Variants in DSCAM observed in about 807,000 individuals in gnomAD.
DSCAM encodes the protein DS cell adhesion molecule.
Under a neutral mutation model 217.7 loss-of-function variants are expected in DSCAM, and 47 were observed. That is an observed-to-expected ratio of 0.22 (90% CI 0.17 to 0.28). The LOEUF (loss-of-function observed/expected upper bound fraction) is 0.28, where lower values mean the gene tolerates loss of function less well. DSCAM is among the 10% of genes least tolerant of loss of function. The pLI, the probability that DSCAM is intolerant of heterozygous loss-of-function variation, is 1.00. For missense variants in DSCAM, 2,080 were observed against 2,618.3 expected (o/e 0.79, Z 4.49); for synonymous variants, 1,056 against 1,015.3 (o/e 1.04, Z -0.76).
At chr21:40,120,096 G>A (rs955991418) in intron 20 of DSCAM, among the ~76,000 whole-genome samples, 3 of 152,126 alleles carry the variant, frequency 2.0e-5, no homozygotes, top group African/African-American at 7.2e-5. Flanking sequence ...TTAATTCTAA[G>A]TTATGGGCTA....
At chr21:40,176,479 G>A (rs1243300016) in intron 15 of DSCAM, among the ~76,000 whole-genome samples, 1 of 152,154 alleles carries the variant, frequency 6.6e-6, no homozygotes, top group South Asian at 2.1e-4. Flanking sequence ...GTGCCTTTGG[G>A]TTTACCTGCT....
chr21:40,257,402 T>G (rs1350709616), intron 11 of DSCAM, among the ~76,000 whole-genome samples: 1 of 151,986 alleles, frequency 6.6e-6, no homozygotes, highest in Non-Finnish European at 1.5e-5. Flanking sequence ...TGAATATTTT[T>G]TATTTGAGGA....
intron 3 of DSCAM, among the ~76,000 whole-genome samples, chr21:40,554,507 G>A (rs1055405999): frequency 1.3e-5 from 2 of 151,986 alleles, no homozygotes; most frequent in East Asian, 1.9e-4. Context: ...AGCCAATTTC[G>A]ACAGTCATCT....
intron 3 of DSCAM, among the ~76,000 whole-genome samples, chr21:40,689,242 C>T (rs1338002147): frequency 2.0e-5 from 3 of 152,214 alleles, no homozygotes; most frequent in South Asian, 2.1e-4. Flanking sequence ...TTGTAGAAGA[C>T]AAATACCCAT....
At chr21:40,446,095 C>G (rs1041953906) in intron 3 of DSCAM, among the ~76,000 whole-genome samples, 11 of 152,150 alleles carry the variant, frequency 7.2e-5, no homozygotes, top group African/African-American at 2.4e-4. Context: ...TACGTGGGAA[C>G]TTATTACCTG....
chr21:40,669,134 G>C (rs1228908716), intron 3 of DSCAM, among the ~76,000 whole-genome samples: 1 of 152,140 alleles, frequency 6.6e-6, no homozygotes, highest in Non-Finnish European at 1.5e-5. Flanking sequence ...CCTGAACAGA[G>C]AACAATTCTG....
At chr21:40,202,213 C>A (rs1015608800) in intron 11 of DSCAM, among the ~76,000 whole-genome samples, 1 of 152,196 alleles carries the variant, frequency 6.6e-6, no homozygotes, top group African/African-American at 2.4e-5. Flanking sequence ...CGCCACCCTT[C>A]ACTCTTATAT....
intron 3 of DSCAM, among the ~76,000 whole-genome samples, chr21:40,687,234 CTTCT>C (rs372568616): frequency 5.3e-5 from 8 of 152,270 alleles, no homozygotes; most frequent in South Asian, 2.1e-4. Flanking sequence ...TAAAGAAATG[CTTCT>C]TTAATTCTGC....
chr21:40,522,679 G>A (rs1321422050), intron 3 of DSCAM, among the ~76,000 whole-genome samples: 1 of 152,142 alleles, frequency 6.6e-6, no homozygotes, highest in Non-Finnish European at 1.5e-5. Flanking sequence ...ATCGTCATGA[G>A]CAAAACAAAC....
intron 3 of DSCAM, among the ~76,000 whole-genome samples, chr21:40,470,311 A>G (rs1252931323): frequency 1.3e-5 from 2 of 152,210 alleles, no homozygotes; most frequent in Non-Finnish European, 2.9e-5. Flanking sequence ...AAAGCTATGG[A>G]AACACAATAT....
At chr21:40,398,637 CT>C (rs538905441) in intron 3 of DSCAM, among the ~76,000 whole-genome samples, 2,086 of 132,038 alleles carry the variant, frequency 0.016, 21 homozygotes, top group African/African-American at 0.035. Flanking sequence ...TTTTTTCTTT[CT>C]TTTTTTTTTT....
intron 20 of DSCAM, among the ~76,000 whole-genome samples, chr21:40,103,124 A>G (rs1226688604): frequency 6.6e-6 from 1 of 152,258 alleles, no homozygotes; most frequent in Non-Finnish European, 1.5e-5. Flanking sequence ...AAATGACTAC[A>G]AAGCCATAGG....
chr21:40,258,001 C>T (rs1012806872), intron 11 of DSCAM, among the ~76,000 whole-genome samples: 44 of 152,180 alleles, frequency 2.9e-4, no homozygotes, highest in African/African-American at 1.0e-3. Flanking sequence ...CATTTACAAT[C>T]AATGGCTACA....
chr21:40,262,834 A>G (rs1407052934), intron 11 of DSCAM, among the ~76,000 whole-genome samples: 1 of 152,374 alleles, frequency 6.6e-6, no homozygotes, highest in Middle Eastern at 3.4e-3. Flanking sequence ...TGCTTGGCAC[A>G]TGGTAAGAAC....
chr21:40,199,073 G>C (rs8130264), intron 11 of DSCAM, among the ~76,000 whole-genome samples: 7,745 of 152,162 alleles, frequency 0.051, 445 homozygotes, highest in African/African-American at 0.14. Context: ...TTAGATATGA[G>C]TAACCACAAT....
At chr21:40,574,791 T>C (rs2146209705) in intron 3 of DSCAM, among the ~76,000 whole-genome samples, 1 of 147,998 alleles carries the variant, frequency 6.8e-6, no homozygotes, top group African/African-American at 2.5e-5. Context: ...CACTGCAACC[T>C]CCACTTCCTG....
intron 3 of DSCAM, among the ~76,000 whole-genome samples, chr21:40,389,148 A>C (rs759556619): frequency 1.3e-5 from 2 of 152,134 alleles, no homozygotes; most frequent in Non-Finnish European, 2.9e-5. Context: ...TCCAATGTAC[A>C]TTTTGCTCAT....
At chr21:40,255,292 T>C (rs1223325532) in intron 11 of DSCAM, among the ~76,000 whole-genome samples, 1 of 152,166 alleles carries the variant, frequency 6.6e-6, no homozygotes, top group Non-Finnish European at 1.5e-5. Context: ...GGTTCCGCTC[T>C]GCAACCCCAT....
chr21:40,293,756 C>T (rs575183578), intron 10 of DSCAM, among the ~76,000 whole-genome samples: 7 of 151,960 alleles, frequency 4.6e-5, no homozygotes, highest in East Asian at 1.9e-4. Flanking sequence ...ACCCAGGAGG[C>T]GGAGGTTGCA....
Sources: allele counts gnomAD v4.1 joint callset (sites outside exome capture counted in the v4.1 genomes callset), GRCh38; gene constraint gnomAD v4.1.1; transcripts MANE v1.5; gene names NCBI Gene and HGNC (gene_info 2026-07-23, HGNC 2026-07-21).